The following PTPRT variants were observed in gnomAD, a reference collection of about 807,000 sequenced individuals.
PTPRT encodes receptor-type tyrosine-protein phosphatase T.
PTPRT carries 56 observed loss-of-function variants against 176.8 expected under a neutral mutation model. That is an observed-to-expected ratio of 0.32 (90% CI 0.26 to 0.40). PTPRT has a LOEUF of 0.40. Among genes scored for constraint, PTPRT ranks in the 10% least tolerant of loss-of-function variants. PTPRT has a pLI of 1.00. For missense variants in PTPRT, 1,540 were observed against 1,908.2 expected (o/e 0.81, Z 3.60); for synonymous variants, 783 against 739.0 (o/e 1.06, Z -0.96).
At chr20:42,621,141 C>A (rs1038825183) in intron 7 of PTPRT, among the ~76,000 whole-genome samples, 3 of 152,108 alleles carry the variant, frequency 2.0e-5, no homozygotes, top group African/African-American at 7.2e-5. Context: ...AGAGCCAAAC[C>A]ATATCACCTG....
intron 1 of PTPRT, among the ~76,000 whole-genome samples, chr20:42,950,783 G>C (rs1981190666): frequency 6.6e-6 from 1 of 152,200 alleles, no homozygotes; most frequent in Admixed American, 6.5e-5. Context: ...AAGTGCAAGT[G>C]GCTTTCTAGC....
chr20:43,027,229 G>T (rs1277720491), intron 1 of PTPRT, among the ~76,000 whole-genome samples: 1 of 152,152 alleles, frequency 6.6e-6, no homozygotes, highest in Non-Finnish European at 1.5e-5. Context: ...TGTAATCCCA[G>T]CACTTTGGGA....
At chr20:42,096,368 C>G (rs922675861) in intron 27 of PTPRT, among the ~76,000 whole-genome samples, 13 of 151,974 alleles carry the variant, frequency 8.6e-5, no homozygotes, top group Admixed American at 8.5e-4. Context: ...TTCAGGAGGC[C>G]GAGGCAGGGG....
Position 42,805,769 on chromosome 20 carries a change from C to T in PTPRT, c.215-14303G>A, listed in dbSNP as rs557300770. The stretch of plus-strand genomic sequence containing the variant: ...ATCTATGAATGGTGTATTTTCTGAG[C>T]CTGTGCATTTCTGATGCTGCATCAC... On this transcript the variant is annotated intron_variant, in intron 2 of 30. Coordinates refer to ENST00000373187, the MANE Select transcript of PTPRT (RefSeq NM_007050.6). Among the ~76,000 whole-genome samples the T allele has an allele frequency of 2.3e-3, 348 of 152,238 alleles. 1 individual carries two copies. Among genetic ancestry groups the T allele is most frequent in the Non-Finnish European group, 4.3e-3 (295 of 68,008 alleles).
At chr20:42,724,546 G>T (rs1358271800) in intron 6 of PTPRT, among the ~76,000 whole-genome samples, 1 of 152,174 alleles carries the variant, frequency 6.6e-6, no homozygotes, top group Non-Finnish European at 1.5e-5. Context: ...TGCCCCTTGA[G>T]ACCTGGGAAG....
chr20:43,117,585 C>T (rs1012865059), intron 1 of PTPRT, among the ~76,000 whole-genome samples: 1 of 152,114 alleles, frequency 6.6e-6, no homozygotes, highest in African/African-American at 2.4e-5. Context: ...TCCTCATCCA[C>T]GCACCAAAGG....
At chr20:43,055,168 A>G (rs934181884) in intron 1 of PTPRT, among the ~76,000 whole-genome samples, 1 of 152,200 alleles carries the variant, frequency 6.6e-6, no homozygotes, top group African/African-American at 2.4e-5. Flanking sequence ...AGTAATCTTA[A>G]TGAGCATCCA....
At chr20:43,135,421 C>T (rs1432541214) in intron 1 of PTPRT, among the ~76,000 whole-genome samples, 4 of 152,044 alleles carry the variant, frequency 2.6e-5, no homozygotes, top group African/African-American at 7.2e-5. Context: ...GCGGTGACCC[C>T]GTTTGGATAT....
intron 9 of PTPRT, among the ~76,000 whole-genome samples, chr20:42,441,073 A>C (rs1244857409): frequency 6.6e-6 from 1 of 152,048 alleles, no homozygotes. Flanking sequence ...AATCTGTCAA[A>C]CCGTGGTCCA....
At chr20:42,405,256 A>G (rs189617484) in intron 9 of PTPRT, among the ~76,000 whole-genome samples, 3,484 of 150,552 alleles carry the variant, frequency 0.023, 151 homozygotes, top group African/African-American at 0.079. Context: ...GGTTTGTTAC[A>G]TATGTATACA....
chr20:42,379,249 T>C (rs529129982), intron 9 of PTPRT, among the ~76,000 whole-genome samples: 16 of 152,364 alleles, frequency 1.1e-4, no homozygotes, highest in African/African-American at 3.6e-4. Flanking sequence ...CAACACCTGG[T>C]CATTACTCAA....
At chr20:43,178,800 T>C (rs1459369870) in intron 1 of PTPRT, among the ~76,000 whole-genome samples, 1 of 152,090 alleles carries the variant, frequency 6.6e-6, no homozygotes, top group Non-Finnish European at 1.5e-5. Flanking sequence ...GGACAGGTAA[T>C]AAATGAGAAA....
At chr20:43,059,508 T>C (rs1987368882) in intron 1 of PTPRT, among the ~76,000 whole-genome samples, 1 of 152,184 alleles carries the variant, frequency 6.6e-6, no homozygotes, top group Non-Finnish European at 1.5e-5. Context: ...GATTGTCTTT[T>C]CTCCATTGCC....
At chr20:42,655,642 T>A (rs2075112459) in intron 7 of PTPRT, among the ~76,000 whole-genome samples, 1 of 152,212 alleles carries the variant, frequency 6.6e-6, no homozygotes, top group East Asian at 1.9e-4. Context: ...AAGAAACAGA[T>A]CTAAAGGATA....
At chr20:42,185,681 A>G (rs930462702) in intron 16 of PTPRT, among the ~76,000 whole-genome samples, 1 of 152,196 alleles carries the variant, frequency 6.6e-6, no homozygotes, top group Non-Finnish European at 1.5e-5. Context: ...TGAGCTTTCT[A>G]AATATTCCTT....
At chr20:42,751,320 T>G (rs570096630) in intron 6 of PTPRT, among the ~76,000 whole-genome samples, 2 of 152,142 alleles carry the variant, frequency 1.3e-5, no homozygotes, top group Non-Finnish European at 2.9e-5. Context: ...TCCATGTAAC[T>G]AGATGGCTGA....
chr20:42,080,663 A>G lies in PTPRT; in HGVS notation c.*216T>C. The G allele has an allele frequency of 2.4e-6, 1 of 424,626 alleles. No individual in the cohort carries two copies. The allele number at this position is 424,626 out of a possible 1,614,324, so 26.3% of individuals were successfully genotyped here. A position where few individuals can be genotyped will look rare whatever the true frequency, so the allele number is the denominator to read the frequency against. Reference sequence around the variant, plus strand: ...TTGGCTGTGGCTGGTTAGGTTGAAAAGGAAGCCTGGGCCTTTTGGAGCAGC... The same window carrying G: ...TTGGCTGTGGCTGGTTAGGTTGAAAGGGAAGCCTGGGCCTTTTGGAGCAGC... On this transcript the variant is annotated 3_prime_UTR_variant, in exon 31 of 31. Transcript: ENST00000373187.
intron 9 of PTPRT, among the ~76,000 whole-genome samples, chr20:42,395,698 C>T (rs949706036): frequency 2.2e-4 from 33 of 152,146 alleles, no homozygotes; most frequent in African/African-American, 7.5e-4. Flanking sequence ...TCTGTTGCTG[C>T]ATCTAATGGT....
At chr20:42,515,506 C>T (rs1012572145) in intron 7 of PTPRT, among the ~76,000 whole-genome samples, 2 of 151,962 alleles carry the variant, frequency 1.3e-5, no homozygotes, top group Non-Finnish European at 2.9e-5. Flanking sequence ...AAAACATGGA[C>T]GAGTGTTGTT....
Sources: allele counts gnomAD v4.1 joint callset (sites outside exome capture counted in the v4.1 genomes callset), GRCh38; gene constraint gnomAD v4.1.1; transcripts MANE v1.5; gene names NCBI Gene and HGNC (gene_info 2026-07-23, HGNC 2026-07-21).